PLEKHM3: variants seen among roughly 807,000 people sequenced by gnomAD.
The protein encoded by PLEKHM3 is pleckstrin homology domain containing M3, also known as pleckstrin homology domain-containing family M member 3.
PLEKHM3 carries 45 observed loss-of-function variants against 81.8 expected under a neutral mutation model. That is an observed-to-expected ratio of 0.55 (90% CI 0.43 to 0.71). PLEKHM3 has a LOEUF of 0.71. Among genes scored for constraint, PLEKHM3 ranks in the 30% least tolerant of loss-of-function variants. The pLI is 0.00. For synonymous variants in PLEKHM3, 352 were observed against 356.4 expected, an observed-to-expected ratio of 0.99 and a Z score of 0.14; for missense variants, 788 against 924.3, an observed-to-expected ratio of 0.85 and a Z score of 1.91.
intron 1 of PLEKHM3, among the ~76,000 whole-genome samples, chr2:208,020,810 C>T (rs1269656398): frequency 2.0e-5 from 3 of 152,188 alleles, no homozygotes; most frequent in African/African-American, 7.2e-5. Context: ...AATGGGGCCA[C>T]AGACACTCTC....
At chr2:207,901,053 A>G (rs981427348) in intron 6 of PLEKHM3, 4 of 571,064 alleles carry the variant, frequency 7.0e-6, no homozygotes, top group African/African-American at 5.6e-5. Context: ...TGCAGCCTCA[A>G]CCGGTATTGT....
chr2:207,972,233 T>C (rs1004092016), intron 3 of PLEKHM3, among the ~76,000 whole-genome samples: 1 of 151,318 alleles, frequency 6.6e-6, no homozygotes, highest in African/African-American at 2.4e-5. Context: ...AACTAGCAAG[T>C]GTAAGGGTCC....
chr2:208,004,467 G>A (rs1692429728), intron 1 of PLEKHM3, among the ~76,000 whole-genome samples: 1 of 152,042 alleles, frequency 6.6e-6, no homozygotes, highest in Non-Finnish European at 1.5e-5. Flanking sequence ...CTGGTTGGTG[G>A]AATACTTCTA....
chr2:208,014,344 G>A (rs1412076472), intron 1 of PLEKHM3, among the ~76,000 whole-genome samples: 2 of 152,216 alleles, frequency 1.3e-5, no homozygotes, highest in Non-Finnish European at 2.9e-5. Flanking sequence ...AGGTATGAAG[G>A]ATAAGAATAG....
intron 1 of PLEKHM3, among the ~76,000 whole-genome samples, chr2:208,013,082 T>C (rs1032315277): frequency 1.3e-5 from 2 of 152,206 alleles, no homozygotes; most frequent in Non-Finnish European, 2.9e-5. Flanking sequence ...GAATCATTAC[T>C]AATTAAGGGA....
At position 207,839,822 on chromosome 2, in the gene PLEKHM3, G is replaced by A. The variant is rs374968237; in HGVS notation, c.2109-11326C>T. On this transcript the variant is annotated intron_variant, in intron 7 of 7. Coordinates refer to ENST00000427836, the MANE Select transcript of PLEKHM3 (RefSeq NM_001080475.3). ...CACACCTACGGTCCCAGCTACTGGG[G>A]AGGCTGAAGTAGGAAGATTGCTTGA... is the stretch of plus-strand genomic sequence containing the variant. Among the ~76,000 whole-genome samples, 9 of 152,270 alleles carry A rather than the reference G, an allele frequency of 5.9e-5. No homozygotes were observed. The East Asian group carries it at 9.7e-4, about 16-fold the overall frequency.
At chr2:207,883,524 T>C (rs540721661) in intron 6 of PLEKHM3, among the ~76,000 whole-genome samples, 3 of 152,326 alleles carry the variant, frequency 2.0e-5, no homozygotes, top group South Asian at 2.1e-4. Context: ...AATAAGAAGA[T>C]AGCACTGAAA....
At chr2:208,015,097 G>A (rs565643603) in intron 1 of PLEKHM3, among the ~76,000 whole-genome samples, 1 of 152,268 alleles carries the variant, frequency 6.6e-6, no homozygotes, top group African/African-American at 2.4e-5. Context: ...ACTACTTAAC[G>A]TATGTTAAGC....
chr2:208,006,844 G>C (rs181061194), intron 1 of PLEKHM3, among the ~76,000 whole-genome samples: 1 of 152,154 alleles, frequency 6.6e-6, no homozygotes, highest in Non-Finnish European at 1.5e-5. Context: ...GAGAAATTGA[G>C]GAAATAAAAG....
At chr2:207,880,227 C>T (rs552297731) in intron 6 of PLEKHM3, among the ~76,000 whole-genome samples, 5 of 151,888 alleles carry the variant, frequency 3.3e-5, no homozygotes, top group African/African-American at 9.6e-5. Context: ...GCCAACATGG[C>T]AAAACCCCAT....
intron 3 of PLEKHM3, among the ~76,000 whole-genome samples, chr2:207,963,154 G>A (rs536032931): frequency 2.0e-5 from 3 of 152,120 alleles, no homozygotes; most frequent in Non-Finnish European, 4.4e-5. Context: ...GTGTTTTTGA[G>A]AAAGTAACAT....
Position 207,856,343 on chromosome 2 carries a change from G to C in PLEKHM3, c.2108+4762C>G, listed in dbSNP as rs116737611. On this transcript the variant is annotated intron_variant, in intron 7 of 7. Coordinates refer to ENST00000427836, the MANE Select transcript of PLEKHM3 (RefSeq NM_001080475.3). ...TTATTAACTAAAGTCCTCCATTTGA[G>C]TTAAGGCTCACTCTGTGATGTATGA... Among the ~76,000 whole-genome samples, 956 of 152,202 alleles carry C rather than the reference G, an allele frequency of 6.3e-3. 12 individuals carry two copies. The highest frequency in any genetic ancestry group is 0.022 in the African/African-American group (907 of 41,532).
chr2:207,899,771 T>C (rs530893361), intron 6 of PLEKHM3, among the ~76,000 whole-genome samples: 3 of 152,262 alleles, frequency 2.0e-5, no homozygotes, highest in Admixed American at 6.5e-5. Flanking sequence ...AATGTCACAG[T>C]TGGTAGTGAA....
chr2:208,005,713 C>A (rs1407855299), intron 1 of PLEKHM3, among the ~76,000 whole-genome samples: 2 of 152,204 alleles, frequency 1.3e-5, no homozygotes, highest in East Asian at 3.9e-4. Context: ...TTTAGTGTTT[C>A]TCTCTCTCCA....
At chr2:208,002,937 G>A (rs554021411) in intron 1 of PLEKHM3, among the ~76,000 whole-genome samples, 5 of 151,576 alleles carry the variant, frequency 3.3e-5, no homozygotes, top group South Asian at 4.2e-4. Flanking sequence ...AAAACAACTA[G>A]GCAAGGGCTT....
chr2:207,972,345 CG>C (rs1195937347), intron 3 of PLEKHM3, among the ~76,000 whole-genome samples: 10 of 20,212 alleles, frequency 4.9e-4, no homozygotes, highest in Non-Finnish European at 8.2e-4. Context: ...TTTGGGAGGC[CG>C]GGGGGCGGGG....
intron 1 of PLEKHM3, among the ~76,000 whole-genome samples, chr2:208,017,296 C>A (rs1692954845): frequency 1.3e-5 from 2 of 152,196 alleles, no homozygotes; most frequent in Non-Finnish European, 2.9e-5. Context: ...AAGCAGTGTA[C>A]AGGATGCCCA....
chr2:207,937,164 A>C (rs900474518), intron 4 of PLEKHM3, among the ~76,000 whole-genome samples: 3 of 152,192 alleles, frequency 2.0e-5, no homozygotes, highest in African/African-American at 7.2e-5. Context: ...GTATTCAAAA[A>C]AGAAGAATGA....
Position 207,979,210 on chromosome 2 carries a change from G to A in PLEKHM3, c.611-1624C>T, listed in dbSNP as rs201181762. Among the ~76,000 whole-genome samples, 3 of 152,162 alleles carry A rather than the reference G, an allele frequency of 2.0e-5. No individual in the cohort carries two copies. The East Asian group carries it at 5.8e-4, about 29-fold the overall frequency. On this transcript the variant is annotated intron_variant, in intron 2 of 7. Coordinates refer to ENST00000427836, the MANE Select transcript of PLEKHM3 (RefSeq NM_001080475.3). ...ACTTAATAAAAGGGGATTATCACTT[G>A]AGAGATTTCCTGACATTCTTATCAG...
Sources: gnomAD v4.1 joint callset for allele counts (sites outside exome capture counted in the v4.1 genomes callset) on GRCh38, gnomAD v4.1.1 for gene constraint, MANE v1.5 for transcripts, NCBI Gene and HGNC (gene_info 2026-07-23, HGNC 2026-07-21) for gene names.